TTLL7: variants seen among roughly 807,000 people sequenced by gnomAD.
TTLL7 encodes the protein tubulin tyrosine ligase like 7, also known as tubulin polyglutamylase TTLL7.
Under a neutral mutation model 120.2 loss-of-function variants are expected in TTLL7, and 53 were observed. The ratio of observed to expected loss-of-function variants is 0.44; its 90% CI spans 0.35 to 0.55. The LOEUF is 0.55. Among genes scored for constraint, TTLL7 ranks in the 20% least tolerant of loss-of-function variants. The pLI is 0.00. For missense variants in TTLL7, 803 were observed against 1,054.7 expected, an observed-to-expected ratio of 0.76 and a Z score of 3.31; for synonymous variants, 353 against 351.7, an observed-to-expected ratio of 1.00 and a Z score of -0.04.
chr1:83,993,289 T>C (rs975143790), intron 1 of TTLL7, among the ~76,000 whole-genome samples: 2 of 152,218 alleles, frequency 1.3e-5, no homozygotes, highest in African/African-American at 2.4e-5. Context: ...CCTAGATTAC[T>C]GCTGAGCCAC....
At chr1:83,986,292 A>C (rs757117509) in intron 1 of TTLL7, among the ~76,000 whole-genome samples, 11 of 152,224 alleles carry the variant, frequency 7.2e-5, no homozygotes, top group Admixed American at 1.3e-4. Flanking sequence ...GATTTATTTC[A>C]TGTATGCAAG....
At chr1:83,971,718 A>G (rs766638723) in intron 1 of TTLL7, among the ~76,000 whole-genome samples, 2 of 152,016 alleles carry the variant, frequency 1.3e-5, no homozygotes, top group Non-Finnish European at 2.9e-5. Context: ...AGTTCTTGGC[A>G]CATAATTCTT....
intron 6 of TTLL7, among the ~76,000 whole-genome samples, chr1:83,945,103 C>A (rs184451415): frequency 2.0e-5 from 3 of 152,230 alleles, no homozygotes; most frequent in East Asian, 3.9e-4. Flanking sequence ...ACAAAAGCTA[C>A]AAGACACATA....
chr1:83,954,997 T>C (rs1253847427), intron 1 of TTLL7, among the ~76,000 whole-genome samples: 1 of 152,154 alleles, frequency 6.6e-6, no homozygotes, highest in Non-Finnish European at 1.5e-5. Context: ...AACATAGAAC[T>C]GTCAAGCACC....
chr1:83,949,828 T>C (rs1450790397), intron 4 of TTLL7, 37 bp downstream of exon 4: 6 of 1,609,306 alleles, frequency 3.7e-6, no homozygotes, highest in Non-Finnish European at 4.2e-6. Flanking sequence ...CATATAACTT[T>C]CCTCATACCA....
intron 20 of TTLL7, among the ~76,000 whole-genome samples, chr1:83,882,315 G>A (rs1384536477): frequency 9.1e-6 from 1 of 110,072 alleles, no homozygotes; most frequent in Non-Finnish European, 2.2e-5. Flanking sequence ...CTCACTTTCT[G>A]TCAAAAAAAA....
chr1:83,883,223 A>C, intron 19 of TTLL7, 87 bp from the exon 20 acceptor site: 1 of 1,057,176 alleles, frequency 9.5e-7, no homozygotes. Flanking sequence ...ACAAACCAAT[A>C]AGGGAAATAG....
intron 15 of TTLL7, among the ~76,000 whole-genome samples, chr1:83,909,671 T>A (rs1298269839): frequency 1.3e-5 from 2 of 152,166 alleles, no homozygotes; most frequent in Non-Finnish European, 2.9e-5. Flanking sequence ...AAAAACATTT[T>A]AAAAATCTGT....
intron 1 of TTLL7, among the ~76,000 whole-genome samples, chr1:83,953,376 AAC>A (rs1441489310): frequency 3.9e-5 from 6 of 152,188 alleles, no homozygotes; most frequent in Admixed American, 1.3e-4. Flanking sequence ...GTATAATATC[AAC>A]ACCTTTATTA....
Position 83,919,702 on chromosome 1 carries a change from C to A in TTLL7, c.1497G>T (p.Met499Ile), listed in dbSNP as rs1208493016. The A allele has an allele frequency of 6.2e-7, 1 of 1,610,860 alleles. No homozygotes were observed. Among genetic ancestry groups the A allele is most frequent in the Non-Finnish European group, 8.5e-7 (1 of 1,178,588 alleles). Residue 499 changes from methionine to isoleucine, a missense_variant, in exon 13 of 21, where the codon ATG (methionine) becomes ATT (isoleucine). By Grantham distance (10) the Met-to-Ile change is conservative. Transcript: ENST00000260505. ...QRELNNPLKR[M>I]KEEDILDLLE... ...ATATAAACATTCATTCTCTTACCTT[C>A]ATCCTTTTCAAAGGATTATTCAACT...
At chr1:83,886,033 C>A (rs1259993244) in intron 19 of TTLL7, among the ~76,000 whole-genome samples, 1 of 151,970 alleles carries the variant, frequency 6.6e-6, no homozygotes, top group African/African-American at 2.4e-5. Context: ...AAGGAAAACA[C>A]TTTAAATGAC....
intron 1 of TTLL7, among the ~76,000 whole-genome samples, chr1:83,990,464 C>T (rs1445945162): frequency 3.3e-5 from 5 of 152,118 alleles, no homozygotes; most frequent in East Asian, 1.9e-4. Flanking sequence ...CGTGAGCCAC[C>T]GCGCCCGGCC....
chr1:83,884,429 G>C (rs1374253380), intron 19 of TTLL7, among the ~76,000 whole-genome samples: 1 of 151,742 alleles, frequency 6.6e-6, no homozygotes, highest in East Asian at 1.9e-4. Context: ...CTTAGAAATA[G>C]AAATGTATTT....
Position 83,890,325 on chromosome 1 carries a change from A to C in TTLL7, c.2365T>G (p.Ser789Ala), listed in dbSNP as rs778124501. The C allele has an allele frequency of 1.1e-5, 17 of 1,610,844 alleles. No homozygotes were observed. The highest frequency in any genetic ancestry group is 9.9e-5 in the South Asian group (9 of 90,488). The part of the protein sequence containing the change: ...GQGLWNCFCD[S>A]GSSWESIFNK... ...AAAAGATGACTTAGAGCTTACCCTGAATCACAGAAACAGTTCCACAGCCCT... is the reference window on the plus strand; with the variant it reads ...AAAAGATGACTTAGAGCTTACCCTGCATCACAGAAACAGTTCCACAGCCCT... Residue 789 changes from serine to alanine, a missense_variant, in exon 19 of 21, where the codon TCA (serine) becomes GCA (alanine). Around this residue, in one of 3 missense-constraint regions of TTLL7, gnomAD observed 388 missense variants for 450.4 expected, o/e 0.86. Coordinates refer to ENST00000260505, the MANE Select transcript of TTLL7 (RefSeq NM_024686.6).
intron 1 of TTLL7, among the ~76,000 whole-genome samples, chr1:83,963,060 CT>C (rs1489409477): frequency 6.6e-6 from 1 of 152,106 alleles, no homozygotes; most frequent in Non-Finnish European, 1.5e-5. Flanking sequence ...CCATAGCCTG[CT>C]TTTACCTATT....
chr1:83,875,435 TC>T, intron 20 of TTLL7, among the ~76,000 whole-genome samples: 1 of 152,110 alleles, frequency 6.6e-6, no homozygotes, highest in Admixed American at 6.5e-5. Context: ...GCCCATTCTT[TC>T]ATGGACATTT....
chr1:83,943,010 C>T (rs1053325008), intron 6 of TTLL7, among the ~76,000 whole-genome samples: 5 of 152,134 alleles, frequency 3.3e-5, no homozygotes, highest in African/African-American at 7.2e-5. Flanking sequence ...AATACCAGTA[C>T]GGTCCTGGAG....
intron 1 of TTLL7, among the ~76,000 whole-genome samples, chr1:83,994,446 G>A (rs1227974738): frequency 6.6e-6 from 1 of 152,080 alleles, no homozygotes; most frequent in Non-Finnish European, 1.5e-5. Flanking sequence ...TCCAACACTG[G>A]GCCCCTGCCC....
At chr1:83,948,845 T>C (rs752739248) in intron 4 of TTLL7, 150 bp from the exon 5 acceptor site, 15 of 534,984 alleles carry the variant, frequency 2.8e-5, no homozygotes, top group Non-Finnish European at 4.5e-5. Flanking sequence ...TGACCTACAG[T>C]GAATTTGTAG....
Sources: allele counts gnomAD v4.1 joint callset (sites outside exome capture counted in the v4.1 genomes callset), GRCh38; gene constraint gnomAD v4.1.1; regional missense constraint gnomAD v4.1.1; transcripts MANE v1.5; gene names NCBI Gene and HGNC (gene_info 2026-07-23, HGNC 2026-07-21).